HS6ST3: variants seen among roughly 807,000 people sequenced by gnomAD.
HS6ST3 encodes the protein heparan sulfate 6-O-sulfotransferase 3.
Under a neutral mutation model 36.7 loss-of-function variants are expected in HS6ST3, and 12 were observed. The observed-to-expected ratio is 0.33, with a 90% CI of 0.21 to 0.53. The LOEUF is 0.53. Among genes scored for constraint, HS6ST3 ranks in the 20% least tolerant of loss-of-function variants. The pLI is 0.95. For missense variants in HS6ST3, 584 were observed against 640.9 expected, an observed-to-expected ratio of 0.91 and a Z score of 0.96; for synonymous variants, 240 against 257.5, an observed-to-expected ratio of 0.93 and a Z score of 0.65.
At chr13:96,105,611 C>A (rs2053838101) in intron 1 of HS6ST3, among the ~76,000 whole-genome samples, 1 of 152,090 alleles carries the variant, frequency 6.6e-6, no homozygotes, top group Non-Finnish European at 1.5e-5. Context: ...AATCGCGCCA[C>A]TGCACTCCAG....
chr13:96,267,377 A>T (rs188593674), intron 1 of HS6ST3, among the ~76,000 whole-genome samples: 48 of 152,318 alleles, frequency 3.2e-4, no homozygotes, highest in African/African-American at 1.2e-3. Flanking sequence ...GTATTTAACC[A>T]TTCTAAATCT....
rs75663593 is a variant in HS6ST3, at chr13:96,499,364, A to G, written c.708-333126A>G. Among the ~76,000 whole-genome samples the G allele has an allele frequency of 5.1e-3, 775 of 152,294 alleles. 10 individuals carry two copies. Among genetic ancestry groups the G allele is most frequent in the African/African-American group, 0.017 (719 of 41,558 alleles). Reference sequence around the variant, plus strand: ...TCTTCAACAAATGATCATTGAGCACATAGTACATATCAGGCATTGTTTGGG... The same window carrying G: ...TCTTCAACAAATGATCATTGAGCACGTAGTACATATCAGGCATTGTTTGGG... On this transcript the variant is annotated intron_variant, in intron 1 of 1. Transcript: ENST00000376705.
At chr13:96,210,945 T>C (rs1335990043) in intron 1 of HS6ST3, among the ~76,000 whole-genome samples, 2 of 150,808 alleles carry the variant, frequency 1.3e-5, no homozygotes, top group Non-Finnish European at 3.0e-5. Flanking sequence ...TTTTTTTTTT[T>C]CTTGGAGACA....
At chr13:96,256,309 G>T (rs986248033) in intron 1 of HS6ST3, among the ~76,000 whole-genome samples, 9 of 152,200 alleles carry the variant, frequency 5.9e-5, no homozygotes, top group Non-Finnish European at 1.3e-4. Context: ...CATCTCAAAA[G>T]TGTGGCGAGG....
At chr13:96,122,373 T>C (rs1323806017) in intron 1 of HS6ST3, among the ~76,000 whole-genome samples, 1 of 152,106 alleles carries the variant, frequency 6.6e-6, no homozygotes, top group East Asian at 1.9e-4. Context: ...TCTATTATTA[T>C]AGAATATTGT....
chr13:96,603,241 C>G (rs2138983640), intron 1 of HS6ST3, among the ~76,000 whole-genome samples: 1 of 152,246 alleles, frequency 6.6e-6, no homozygotes, highest in African/African-American at 2.4e-5. Context: ...TTTTTTCTAC[C>G]TTTCCCCTAA....
At chr13:96,148,257 A>G (rs771032975) in intron 1 of HS6ST3, among the ~76,000 whole-genome samples, 1 of 152,244 alleles carries the variant, frequency 6.6e-6, no homozygotes, top group East Asian at 1.9e-4. Context: ...TTAAAGTCAC[A>G]GTTTCCAAGA....
At chr13:96,493,175 T>G (rs978518966) in intron 1 of HS6ST3, among the ~76,000 whole-genome samples, 1 of 152,198 alleles carries the variant, frequency 6.6e-6, no homozygotes, top group Non-Finnish European at 1.5e-5. Flanking sequence ...GTTGGGTAGC[T>G]TTTTGTTGTT....
In HS6ST3 at chr13:96,153,254, G is replaced by A. The variant is rs148684145; in HGVS notation, c.707+61685G>A. On this transcript the variant is annotated intron_variant, in intron 1 of 1. Transcript: ENST00000376705. ...GAATCTGTGAGCCCTCATTACAGGCGTTGAGTTGTTACTGATTAGAGCACA... is the reference window on the plus strand; with the variant it reads ...GAATCTGTGAGCCCTCATTACAGGCATTGAGTTGTTACTGATTAGAGCACA... Among the ~76,000 whole-genome samples the A allele has an allele frequency of 4.1e-3, 617 of 152,282 alleles. 2 individuals carry two copies. The highest frequency in any genetic ancestry group is 0.017 in the Middle Eastern group (5 of 294).
chr13:96,152,757 A>G (rs2054092817), intron 1 of HS6ST3, among the ~76,000 whole-genome samples: 1 of 151,900 alleles, frequency 6.6e-6, no homozygotes, highest in Non-Finnish European at 1.5e-5. Flanking sequence ...AAAACCTCCA[A>G]TGGCTTCTCT....
intron 1 of HS6ST3, among the ~76,000 whole-genome samples, chr13:96,135,582 TA>T (rs2053997693): frequency 6.6e-6 from 1 of 152,168 alleles, no homozygotes; most frequent in Non-Finnish European, 1.5e-5. Flanking sequence ...GGGTGGAATT[TA>T]CAGGGATCCA....
intron 1 of HS6ST3, among the ~76,000 whole-genome samples, chr13:96,183,914 T>C (rs1296260239): frequency 1.3e-5 from 2 of 152,022 alleles, no homozygotes; most frequent in Non-Finnish European, 2.9e-5. Flanking sequence ...TAGAAACGGT[T>C]AAGATGGGCC....
At chr13:96,164,283 G>T (rs1047088638) in intron 1 of HS6ST3, among the ~76,000 whole-genome samples, 1 of 152,254 alleles carries the variant, frequency 6.6e-6, no homozygotes, top group East Asian at 1.9e-4. Flanking sequence ...TTAAGCGTTT[G>T]CAGTAACATG....
In HS6ST3 at chr13:96,785,540, T is replaced by A. The variant is rs142284976; in HGVS notation, c.708-46950T>A. 7.4e-3 allele frequency among the ~76,000 whole-genome samples: 1,132 copies of A among 152,276 alleles called. 10 individuals are homozygous for A. Among genetic ancestry groups the A allele is most frequent in the African/African-American group, 0.025 (1,030 of 41,550 alleles). ...GAGCTGCCTGTCTCCTGGTCCACTG[T>A]TGCAAGTGGGCAAAAGATAGCAGAA... is the stretch of plus-strand genomic sequence containing the variant. On this transcript the variant is annotated intron_variant, in intron 1 of 1. Coordinates refer to ENST00000376705, the MANE Select transcript of HS6ST3 (RefSeq NM_153456.4).
chr13:96,616,011 A>G (rs2056473125), intron 1 of HS6ST3, among the ~76,000 whole-genome samples: 1 of 152,230 alleles, frequency 6.6e-6, no homozygotes, highest in Non-Finnish European at 1.5e-5. Context: ...GATTAATGGA[A>G]ACACAGTTGA....
Position 96,732,274 on chromosome 13 carries a change from T to C in HS6ST3, c.708-100216T>C, listed in dbSNP as rs79617278. 2.9e-3 allele frequency among the ~76,000 whole-genome samples: 444 copies of C among 152,342 alleles called. 3 individuals are homozygous for C. The highest frequency in any genetic ancestry group is 0.01 in the African/African-American group (417 of 41,584). ...GTTATTTCCTTGCTATTGAGTTGTT[T>C]GAGTTGTTTATGTTTTCTTCTAGTA... On this transcript the variant is annotated intron_variant, in intron 1 of 1. Transcript: ENST00000376705.
At chr13:96,649,194 A>G (rs1030141449) in intron 1 of HS6ST3, among the ~76,000 whole-genome samples, 9 of 152,036 alleles carry the variant, frequency 5.9e-5, no homozygotes, top group African/African-American at 2.2e-4. Context: ...TCAAGGAAAG[A>G]GATTCAGTTG....
chr13:96,414,586 G>T (rs2139464141), intron 1 of HS6ST3, among the ~76,000 whole-genome samples: 1 of 152,192 alleles, frequency 6.6e-6, no homozygotes, highest in South Asian at 2.1e-4. Flanking sequence ...GGGTTCAAGT[G>T]ATTCTCCTGC....
intron 1 of HS6ST3, among the ~76,000 whole-genome samples, chr13:96,169,319 G>C (rs1445151251): frequency 1.3e-5 from 2 of 151,644 alleles, no homozygotes; most frequent in East Asian, 3.9e-4. Flanking sequence ...ATGTAAACCA[G>C]AGTCCCTTAT....
Sources: allele counts gnomAD v4.1 joint callset (sites outside exome capture counted in the v4.1 genomes callset), GRCh38; gene constraint gnomAD v4.1.1; transcripts MANE v1.5; gene names NCBI Gene and HGNC (gene_info 2026-07-23, HGNC 2026-07-21).